The following CORIN variants were observed in gnomAD, a reference collection of about 807,000 sequenced individuals.
CORIN encodes atrial natriuretic peptide-converting enzyme.
Under a neutral mutation model 125.3 loss-of-function variants are expected in CORIN, and 117 were observed. That is an observed-to-expected ratio of 0.93 (90% confidence interval 0.80 to 1.09). The LOEUF (loss-of-function observed/expected upper bound fraction) is 1.09, where lower values mean the gene tolerates loss of function less well. Among genes scored for constraint, CORIN ranks in the 50% least tolerant of loss-of-function variants. The probability of loss-of-function intolerance (pLI) is 0.00; values close to 1 mark genes in which losing one functional copy is unlikely to be tolerated. For synonymous variants in CORIN, 450 were observed against 466.4 expected (o/e 0.96, Z 0.45); for missense variants, 1,253 against 1,306.7 (o/e 0.96, Z 0.63).
chr4:47,711,266 G>C (rs908721063), intron 5 of CORIN, among the ~76,000 whole-genome samples: 1 of 152,186 alleles, frequency 6.6e-6, no homozygotes, highest in African/African-American at 2.4e-5. Flanking sequence ...AGGGACTGCC[G>C]GTTGTCATCA....
At chr4:47,610,169 G>T (rs933907274) in intron 19 of CORIN, among the ~76,000 whole-genome samples, 6 of 152,186 alleles carry the variant, frequency 3.9e-5, no homozygotes, top group African/African-American at 1.4e-4. Context: ...AGATCTTTGA[G>T]AAATTGCCAC....
At chr4:47,758,773 C>T (rs1026879743) in intron 4 of CORIN, among the ~76,000 whole-genome samples, 1 of 152,130 alleles carries the variant, frequency 6.6e-6, no homozygotes, top group Non-Finnish European at 1.5e-5. Context: ...AAGGGGCTTT[C>T]CCCATTTTGC....
chr4:47,643,295 A>T (rs952536566), intron 14 of CORIN, 39 bp from the exon 15 acceptor site: 12 of 1,542,560 alleles, frequency 7.8e-6, no homozygotes, highest in Non-Finnish European at 9.7e-6. Flanking sequence ...AAAACATTTT[A>T]GAAATAAATG....
intron 5 of CORIN, among the ~76,000 whole-genome samples, chr4:47,715,768 A>T (rs746196594): frequency 5.3e-5 from 8 of 152,218 alleles, no homozygotes; most frequent in Non-Finnish European, 1.2e-4. Context: ...GATCTCATGG[A>T]GGAAGGTGAC....
chr4:47,799,799 C>G (rs1731458826), intron 2 of CORIN, among the ~76,000 whole-genome samples: 1 of 151,896 alleles, frequency 6.6e-6, no homozygotes, highest in Non-Finnish European at 1.5e-5. Context: ...AACATACACA[C>G]AAATATTCAT....
chr4:47,673,433 T>A (rs1328636323), intron 10 of CORIN, among the ~76,000 whole-genome samples: 4 of 151,048 alleles, frequency 2.6e-5, no homozygotes, highest in Non-Finnish European at 5.9e-5. Context: ...GACCTGCTTT[T>A]AAATTTCTAA....
At chr4:47,700,488 A>AT (rs1374224960) in intron 5 of CORIN, among the ~76,000 whole-genome samples, 2 of 152,180 alleles carry the variant, frequency 1.3e-5, no homozygotes, top group Non-Finnish European at 2.9e-5. Flanking sequence ...TTTCAGGCAT[A>AT]TTTTGCAGGG....
intron 5 of CORIN, among the ~76,000 whole-genome samples, chr4:47,705,858 C>CAGT (rs1007310455): frequency 5.9e-5 from 9 of 152,124 alleles, no homozygotes; most frequent in African/African-American, 2.2e-4. Context: ...CCGTGTGTAA[C>CAGT]AGTATTTGAA....
chr4:47,670,548 T>C (rs1724701687), intron 10 of CORIN, among the ~76,000 whole-genome samples: 1 of 152,092 alleles, frequency 6.6e-6, no homozygotes, highest in Admixed American at 6.6e-5. Context: ...TCTTCCTTGG[T>C]GTTGAATAAG....
chr4:47,595,940 T>C (rs1317486273), intron 21 of CORIN, 37 bp from the exon 22 acceptor site: 12 of 1,544,766 alleles, frequency 7.8e-6, no homozygotes, highest in African/African-American at 2.8e-5. Context: ...GAACTGGCAT[T>C]TCAGGGCAGT....
At chr4:47,600,001 C>G (rs934764732) in intron 21 of CORIN, among the ~76,000 whole-genome samples, 2 of 152,152 alleles carry the variant, frequency 1.3e-5, no homozygotes, top group Non-Finnish European at 2.9e-5. Flanking sequence ...GTAGATGAGA[C>G]AGTAGAAGGC....
In CORIN at chr4:47,765,140, T is replaced by A. The variant is rs139775745; in HGVS notation, c.410-1554A>T. ...TCCTGGTTAACACGGTGAAACCCCA[T>A]CTCTACTAAAAATACAAAAAATTAG... On this transcript the variant is annotated intron_variant, in intron 3 of 21. Transcript: ENST00000273857. Among the ~76,000 whole-genome samples, 909 of 151,992 alleles carry A rather than the reference T, an allele frequency of 6.0e-3. 8 individuals are homozygous for A. Among genetic ancestry groups the A allele is most frequent in the African/African-American group, 0.02 (848 of 41,424 alleles).
At chr4:47,701,733 T>C (rs1260128871) in intron 5 of CORIN, among the ~76,000 whole-genome samples, 3 of 146,438 alleles carry the variant, frequency 2.0e-5, no homozygotes, top group African/African-American at 5.1e-5. Context: ...CTAAGCTTTA[T>C]GATCAGAGAC....
chr4:47,680,170 C>G lies in CORIN; in HGVS notation c.1103G>C (p.Cys368Ser). ...GTTGACCTCGTCAGACTTATCCACA[C>G]AGTCGTGGTCACCATCACACACCCA... The part of the protein sequence containing the change: ...MEWVCDGDHD[C>S]VDKSDEVNCS... Residue 368 changes from cysteine to serine, a missense_variant, in exon 8 of 22, where the codon TGT becomes TCT. By Grantham distance (112) the Cys-to-Ser change is moderately radical (BLOSUM62 -1). Coordinates refer to ENST00000273857, the MANE Select transcript of CORIN (RefSeq NM_006587.4). 1 of 1,613,730 alleles carries G rather than the reference C, an allele frequency of 6.2e-7. No homozygotes were observed. Among genetic ancestry groups the G allele is most frequent in the East Asian group, 2.2e-5 (1 of 44,862 alleles).
intron 12 of CORIN, among the ~76,000 whole-genome samples, chr4:47,655,199 G>A (rs1297509417): frequency 1.3e-5 from 2 of 151,824 alleles, no homozygotes; most frequent in Admixed American, 6.6e-5. Context: ...ATGAGCCTTC[G>A]GTGAGACTCT....
intron 16 of CORIN, among the ~76,000 whole-genome samples, chr4:47,629,351 G>T (rs1417914875): frequency 6.6e-6 from 1 of 152,116 alleles, no homozygotes; most frequent in Non-Finnish European, 1.5e-5. Flanking sequence ...TTTTAGAAAT[G>T]TCTGTTCAGG....
rs370501103 is a variant in CORIN at position 47,623,524 on chromosome 4, A to G, written c.2540+47T>C. 3.1e-6 allele frequency: 5 copies of G among 1,591,166 alleles called. No individual in the cohort carries two copies. In the African/African-American group the frequency reaches 5.4e-5, roughly 17 times the overall value. ...ATGCCACTGAGAATTCCCGAGTGAC[A>G]AAGTGATCAAATCCAGGCAAAGGAA... is the stretch of plus-strand genomic sequence containing the variant. On this transcript the variant is annotated intron_variant, in intron 19 of 21. Coordinates refer to ENST00000273857, the MANE Select transcript of CORIN (RefSeq NM_006587.4).
At chr4:47,611,851 T>A (rs1461239875) in intron 19 of CORIN, among the ~76,000 whole-genome samples, 1 of 152,226 alleles carries the variant, frequency 6.6e-6, no homozygotes, top group African/African-American at 2.4e-5. Flanking sequence ...ATTGAGATAA[T>A]CATGTGGTTT....
intron 21 of CORIN, among the ~76,000 whole-genome samples, chr4:47,596,862 A>G (rs1316094509): frequency 6.6e-6 from 1 of 152,150 alleles, no homozygotes; most frequent in Non-Finnish European, 1.5e-5. Flanking sequence ...AGCTCATTTA[A>G]TCTTTACAAA....
Sources: gnomAD v4.1 joint callset for allele counts (sites outside exome capture counted in the v4.1 genomes callset) on GRCh38, gnomAD v4.1.1 for gene constraint, MANE v1.5 for transcripts, NCBI Gene and HGNC (gene_info 2026-07-23, HGNC 2026-07-21) for gene names.